CA12: variants seen among roughly 807,000 people sequenced by gnomAD.
CA12 encodes the protein carbonate dehydratase XII.
CA12 carries 36 observed loss-of-function variants against 46.8 expected under a neutral mutation model. The observed-to-expected ratio is 0.77, with a 90% confidence interval of 0.59 to 1.02. CA12 has a LOEUF of 1.02. CA12 is among the 50% of genes least tolerant of loss of function. The pLI is 0.00. For synonymous variants in CA12, 202 were observed against 187.0 expected (o/e 1.08, Z -0.65); for missense variants, 436 against 451.4 (o/e 0.97, Z 0.31).
At chr15:63,381,011 C>CTG (rs66492957) in intron 1 of CA12, among the ~76,000 whole-genome samples, 528 of 148,336 alleles carry the variant, frequency 3.6e-3, no homozygotes, top group African/African-American at 7.7e-3. Flanking sequence ...CAGAAATATG[C>CTG]TGTGTGTGTG....
In CA12 at chr15:63,332,350, A is replaced by C. The variant is rs560461994; in HGVS notation, c.875-4220T>G. On this transcript the variant is annotated intron_variant, in intron 8 of 10. Transcript: ENST00000178638. ...TGCTACAAAGAAATCTGCCAACAAG[A>C]TAGTACCAGATTACATGGGGGAACT... 3.3e-5 allele frequency among the ~76,000 whole-genome samples: 5 copies of C among 152,370 alleles called. No homozygotes were observed. The East Asian group carries it at 9.6e-4, about 29-fold the overall frequency.
In CA12 at chr15:63,328,271, T is replaced by G. The variant is rs2038893575; in HGVS notation, c.875-141A>C. ...GGATGTCCACCCTTGGCTCAGGGAT[T>G]GCCTGATGAAGTACAGGAAATTGCC... On this transcript the variant is annotated intron_variant, in intron 8 of 10. Transcript: ENST00000178638. The surrounding 1 kb of genome is among the most constrained non-coding windows in gnomAD (Gnocchi z 5.9). 1.3e-6 allele frequency: 1 copy of G among 764,684 alleles called. No individual in the cohort carries two copies. The highest frequency in any genetic ancestry group is 2.3e-6 in the Non-Finnish European group (1 of 432,182). The allele number at this position is 764,684 out of a possible 1,614,324, so 47.4% of individuals were successfully genotyped here. A position where few individuals can be genotyped will look rare whatever the true frequency, so the allele number is the denominator to read the frequency against.
chr15:63,380,776 G>T (rs777790780), intron 1 of CA12, among the ~76,000 whole-genome samples: 1 of 152,094 alleles, frequency 6.6e-6, no homozygotes, highest in African/African-American at 2.4e-5. Context: ...CCACTGCCTC[G>T]CCAGGAAGAA....
chr15:63,381,546 CA>C, intron 1 of CA12, 89 bp downstream of exon 1: 1 of 1,048,316 alleles, frequency 9.5e-7, no homozygotes, highest in Non-Finnish European at 1.5e-6. Context: ...CTCCCCGCAG[CA>C]ATGATTTTAC....
At chr15:63,335,700 C>T (rs2038994021) in intron 8 of CA12, among the ~76,000 whole-genome samples, 1 of 151,854 alleles carries the variant, frequency 6.6e-6, no homozygotes, top group Non-Finnish European at 1.5e-5. Flanking sequence ...TTGTTAACTT[C>T]CAGAGAAAGC....
At chr15:63,377,614 G>A (rs900354501) in intron 1 of CA12, among the ~76,000 whole-genome samples, 6 of 151,828 alleles carry the variant, frequency 4.0e-5, no homozygotes, top group Non-Finnish European at 5.9e-5. Context: ...ACACTTGCAC[G>A]TGGTTTAGAA....
intron 1 of CA12, 52 bp downstream of exon 1, chr15:63,381,584 G>C (rs1330888295): frequency 6.9e-7 from 1 of 1,459,386 alleles, no homozygotes; most frequent in Non-Finnish European, 9.5e-7. Context: ...CTTCAGCCCA[G>C]GGGCGGCTGA....
At chr15:63,336,869 G>A (rs1282394560) in intron 8 of CA12, among the ~76,000 whole-genome samples, 1 of 152,146 alleles carries the variant, frequency 6.6e-6, no homozygotes, top group East Asian at 1.9e-4. Context: ...AGCCGGCAAT[G>A]GGGTCCTGGG....
rs1854281856 is a variant in CA12 at position 63,340,857 on chromosome 15, GA to G, written c.526-75del. 36 of 1,313,382 alleles carry G rather than the reference GA, an allele frequency of 2.7e-5. No individual in the cohort carries two copies. The highest frequency in any genetic ancestry group is 4.0e-5 in the Non-Finnish European group (36 of 908,590). 81.4% of individuals were successfully genotyped at this position (1,313,382 alleles called of 1,614,324 possible). ...GAGCCAGGATTGACGATTGCTATCA[GA>G]AGGGCAAAGCTGTGGGTATGTTGCC... On this transcript the variant is annotated intron_variant, in intron 5 of 10. Coordinates refer to ENST00000178638, the MANE Select transcript of CA12 (RefSeq NM_001218.5). This position sits in a 1 kb window ranked among gnomAD's most constrained non-coding sequence, Gnocchi z 4.4.
At chr15:63,335,427 A>G (rs1231314095) in intron 8 of CA12, among the ~76,000 whole-genome samples, 1 of 151,856 alleles carries the variant, frequency 6.6e-6, no homozygotes, top group Non-Finnish European at 1.5e-5. Flanking sequence ...CCCAAAGTCC[A>G]TGTACTTTCT....
Position 63,378,556 on chromosome 15 carries a change from A to G in CA12, c.86-2878T>C, listed in dbSNP as rs1008600728. ...ACATTCAGAACCACGGGGAAACCAAACTTGTATGTGACCCCCAAGTTTACT... is the reference window on the plus strand; with the variant it reads ...ACATTCAGAACCACGGGGAAACCAAGCTTGTATGTGACCCCCAAGTTTACT... On this transcript the variant is annotated intron_variant, in intron 1 of 10. Coordinates refer to ENST00000178638, the MANE Select transcript of CA12 (RefSeq NM_001218.5). The surrounding 1 kb of genome is among the most constrained non-coding windows in gnomAD (Gnocchi z 4.8). 9.2e-5 allele frequency among the ~76,000 whole-genome samples: 14 copies of G among 152,150 alleles called. No homozygotes were observed. Among genetic ancestry groups the G allele is most frequent in the African/African-American group, 3.4e-4 (14 of 41,442 alleles).
In CA12 at chr15:63,341,709, C is replaced by T. The variant is rs1261156936; in HGVS notation, c.525+293G>A. Among the ~76,000 whole-genome samples, 1 of 152,212 alleles carries T rather than the reference C, an allele frequency of 6.6e-6. No homozygotes were observed. Among genetic ancestry groups the T allele is most frequent in the Non-Finnish European group, 1.5e-5 (1 of 68,034 alleles). On this transcript the variant is annotated intron_variant, in intron 5 of 10. Coordinates refer to ENST00000178638, the MANE Select transcript of CA12 (RefSeq NM_001218.5). This position sits in a 1 kb window ranked among gnomAD's most constrained non-coding sequence, Gnocchi z 5.2. ...GGAGTTTGATGATCCCTTTCCAGCACAGGTCCTCCCCAACTGGGCAATTCC... is the reference window on the plus strand; with the variant it reads ...GGAGTTTGATGATCCCTTTCCAGCATAGGTCCTCCCCAACTGGGCAATTCC...
chr15:63,337,587 G>C (rs975505859), intron 8 of CA12, among the ~76,000 whole-genome samples: 8 of 152,098 alleles, frequency 5.3e-5, no homozygotes, highest in Non-Finnish European at 1.0e-4. Flanking sequence ...CTCTTGAGTA[G>C]CTGGGATTAC....
chr15:63,342,480 T>C (rs1328318704), intron 4 of CA12, among the ~76,000 whole-genome samples: 2 of 152,078 alleles, frequency 1.3e-5, no homozygotes, highest in East Asian at 3.9e-4. Context: ...CAATAAGGGG[T>C]TGTAGAGACC....
intron 4 of CA12, 65 bp from the exon 5 acceptor site, chr15:63,342,162 G>C (rs1439711418): frequency 9.4e-7 from 1 of 1,062,218 alleles, no homozygotes; most frequent in East Asian, 2.4e-5. Context: ...CGCTTCTGCA[G>C]AAGACTTGAC....
chr15:63,328,058 C>G lies in CA12; in HGVS notation c.907+40G>C. On this transcript the variant is annotated intron_variant, in intron 9 of 10. Coordinates refer to ENST00000178638, the MANE Select transcript of CA12 (RefSeq NM_001218.5). This position sits in a 1 kb window ranked among gnomAD's most constrained non-coding sequence, Gnocchi z 5.9. ...ATCACACCAAGAATCACAGTGATCA[C>G]CCAGCTGCAGCATGCACGGCTGGCT... 6.2e-7 allele frequency: 1 copy of G among 1,600,690 alleles called. No homozygotes were observed. The highest frequency in any genetic ancestry group is 1.1e-5 in the South Asian group (1 of 90,800).
chr15:63,332,375 T>C (rs2038947857), intron 8 of CA12, among the ~76,000 whole-genome samples: 1 of 152,214 alleles, frequency 6.6e-6, no homozygotes, highest in Non-Finnish European at 1.5e-5. Context: ...ATGGGGGAAC[T>C]GGTTTTATAC....
intron 2 of CA12, among the ~76,000 whole-genome samples, chr15:63,370,055 A>G (rs1162835507): frequency 1.3e-5 from 2 of 152,178 alleles, no homozygotes; most frequent in Non-Finnish European, 2.9e-5. Context: ...TCACAACTTC[A>G]ATTAGAAGTA....
At chr15:63,361,691 C>T (rs16946913) in intron 2 of CA12, among the ~76,000 whole-genome samples, 6,722 of 152,162 alleles carry the variant, frequency 0.044, 365 homozygotes, top group African/African-American at 0.12. Context: ...GAGTTGGCTG[C>T]TCTCCCTGTC....
Sources: allele counts gnomAD v4.1 joint callset (sites outside exome capture counted in the v4.1 genomes callset), GRCh38; gene constraint gnomAD v4.1.1; non-coding constraint Gnocchi (gnomAD v3.1); transcripts MANE v1.5; gene names NCBI Gene and HGNC (gene_info 2026-07-23, HGNC 2026-07-21).